The following KIF5C variants were observed in gnomAD, a reference collection of about 807,000 sequenced individuals.
KIF5C encodes the protein kinesin family member 5C.
A neutral mutation model predicts 125.2 loss-of-function variants in KIF5C; 18 were observed. The ratio of observed to expected loss-of-function variants is 0.14; its 90% CI spans 0.10 to 0.21. KIF5C has a LOEUF of 0.21. Among genes scored for constraint, KIF5C ranks in the 10% least tolerant of loss-of-function variants. The pLI is 1.00. For synonymous variants in KIF5C, 405 were observed against 434.0 expected (o/e 0.93, Z 0.83); for missense variants, 780 against 1,183.8 (o/e 0.66, Z 5.01).
chr2:148,977,597 C>T (rs1425713480), intron 12 of KIF5C, among the ~76,000 whole-genome samples: 1 of 152,090 alleles, frequency 6.6e-6, no homozygotes, highest in African/African-American at 2.4e-5. Context: ...GGTATAATTT[C>T]CCTAATATGA....
At chr2:148,998,326 A>T in intron 18 of KIF5C, 74 bp from the exon 19 acceptor site, 1 of 1,546,028 alleles carries the variant, frequency 6.5e-7, no homozygotes. Flanking sequence ...AGGTAGGTCC[A>T]GATCCAGGGC....
intron 1 of KIF5C, among the ~76,000 whole-genome samples, chr2:148,903,493 T>C (rs959105594): frequency 4.6e-5 from 7 of 152,188 alleles, no homozygotes; most frequent in Non-Finnish European, 4.4e-5. Flanking sequence ...AACACACCCT[T>C]ACTGCTGTTT....
chr2:148,949,569 A>T (rs568359825), intron 8 of KIF5C, among the ~76,000 whole-genome samples: 5 of 152,272 alleles, frequency 3.3e-5, no homozygotes, highest in African/African-American at 1.2e-4. Context: ...CCCTGGATGG[A>T]TGGCCCCTGG....
intron 1 of KIF5C, among the ~76,000 whole-genome samples, chr2:148,912,253 G>A (rs1450957038): frequency 6.6e-6 from 1 of 152,194 alleles, no homozygotes; most frequent in Admixed American, 6.5e-5. Flanking sequence ...TTCCACATGT[G>A]TGTGGCCACC....
At chr2:149,020,987 A>G (rs745916324) in intron 25 of KIF5C, among the ~76,000 whole-genome samples, 4 of 152,222 alleles carry the variant, frequency 2.6e-5, no homozygotes, top group Non-Finnish European at 5.9e-5. Flanking sequence ...TTAGTTGTGT[A>G]GCTTTGCCAC....
chr2:148,900,946 T>G (rs1237865389), intron 1 of KIF5C, among the ~76,000 whole-genome samples: 1 of 152,170 alleles, frequency 6.6e-6, no homozygotes, highest in African/African-American at 2.4e-5. Flanking sequence ...TGCTGCTCTC[T>G]GACAGGAACA....
In KIF5C at chr2:148,881,719, C is replaced by CAGG. The variant is rs1558869803; in HGVS notation, c.126+5976_126+5977insAGG. 2.1e-3 allele frequency among the ~76,000 whole-genome samples: 313 copies of CAGG among 151,722 alleles called. 4 individuals are homozygous for CAGG. Among genetic ancestry groups the CAGG allele is most frequent in the African/African-American group, 7.1e-3 (293 of 41,036 alleles). ...TTTGATTTCCCTTTAGTCCTTACCT[C>CAGG]TAAATCATCGTGGTGATTTAGAGGG... On this transcript the variant is annotated intron_variant, in intron 1 of 25. Transcript: ENST00000435030.
rs553370779 is a variant in KIF5C, at chr2:148,958,794, C to T, written c.969-3177C>T. The stretch of plus-strand genomic sequence containing the variant: ...GTCAGGATTTTGAGACCAGCCTGGC[C>T]AACATGGTGAAACCCTGTCTCTACT... On this transcript the variant is annotated intron_variant, in intron 10 of 25. Coordinates refer to ENST00000435030, the MANE Select transcript of KIF5C (RefSeq NM_004522.3). 9.9e-5 allele frequency among the ~76,000 whole-genome samples: 15 copies of T among 151,470 alleles called. No homozygotes were observed. The South Asian group carries it at 3.2e-3, about 32-fold the overall frequency.
At chr2:148,992,123 G>T (rs77637224) in intron 16 of KIF5C, among the ~76,000 whole-genome samples, 1 of 152,154 alleles carries the variant, frequency 6.6e-6, no homozygotes, top group Non-Finnish European at 1.5e-5. Context: ...CTTTATTCTG[G>T]TATGCTTTTA....
intron 1 of KIF5C, among the ~76,000 whole-genome samples, chr2:148,916,377 A>T (rs1164738379): frequency 6.6e-6 from 1 of 152,208 alleles, no homozygotes; most frequent in African/African-American, 2.4e-5. Context: ...TGGCCTTGAA[A>T]CAGGGTAAAT....
Position 148,875,683 on chromosome 2 carries a change from G to T in KIF5C, c.66G>T (p.Glu22Asp). The change falls in exon 1 of 26, where the codon GAG becomes GAT. Residue 22 changes from glutamate (E) to aspartate (D), a missense_variant. Physicochemically the swap from Glu to Asp is conservative, Grantham distance 45 (BLOSUM62 2). This residue lies in a region of KIF5C where 207 missense variants were observed against 441.2 expected (regional missense o/e 0.47). Coordinates refer to ENST00000435030, the MANE Select transcript of KIF5C (RefSeq NM_004522.3). ...GGTTCCGGCCCCTCAACGAAGCGGA[G>T]ATCCTCCGCGGGGACAAATTCATCC... ...MCRFRPLNEAEILRGDKFIPK... is the reference protein window; with the variant it reads ...MCRFRPLNEADILRGDKFIPK... 1 of 1,589,756 alleles carries T rather than the reference G, an allele frequency of 6.3e-7. No individual in the cohort carries two copies. The highest frequency in any genetic ancestry group is 8.6e-7 in the Non-Finnish European group (1 of 1,168,346).
At chr2:148,936,644 G>T (rs994975143) in intron 3 of KIF5C, among the ~76,000 whole-genome samples, 2 of 152,190 alleles carry the variant, frequency 1.3e-5, no homozygotes, top group African/African-American at 4.8e-5. Flanking sequence ...GTAGAAAAGC[G>T]GGGAAAGAAG....
chr2:148,892,897 T>C (rs1180025584), intron 1 of KIF5C, among the ~76,000 whole-genome samples: 1 of 152,250 alleles, frequency 6.6e-6, no homozygotes, highest in African/African-American at 2.4e-5. Context: ...AGATATATCA[T>C]GAAGATAATT....
intron 1 of KIF5C, chr2:148,888,541 T>C (rs890441821): frequency 2.0e-5 from 3 of 151,990 alleles, no homozygotes; most frequent in African/African-American, 7.3e-5. Context: ...GCCTTGCAGG[T>C]GAAGGCCACA....
intron 1 of KIF5C, among the ~76,000 whole-genome samples, chr2:148,893,893 G>A (rs1376010874): frequency 3.9e-5 from 6 of 152,288 alleles, no homozygotes; most frequent in Admixed American, 6.5e-5. Context: ...GCAATTCACC[G>A]TCTTTGGACC....
intron 1 of KIF5C, among the ~76,000 whole-genome samples, chr2:148,918,176 C>T (rs926046117): frequency 2.0e-5 from 3 of 152,042 alleles, no homozygotes; most frequent in African/African-American, 7.2e-5. Context: ...GTATGTGATC[C>T]TGGTAAATTA....
Position 148,990,770 on chromosome 2 carries a change from T to A in KIF5C, c.1717-240T>A, listed in dbSNP as rs567647329. 3.1e-4 allele frequency among the ~76,000 whole-genome samples: 47 copies of A among 152,354 alleles called. No individual in the cohort carries two copies. The South Asian group carries it at 4.1e-3, about 13-fold the overall frequency. ...TGTCATTTCTCTTTCTAAAAATTGATGGTAATGAAAAACCTAGTTAATTGA... is the reference window on the plus strand; with the variant it reads ...TGTCATTTCTCTTTCTAAAAATTGAAGGTAATGAAAAACCTAGTTAATTGA... On this transcript the variant is annotated intron_variant, in intron 15 of 25. Transcript: ENST00000435030.
chr2:149,005,414 C>A lies in KIF5C; in HGVS notation c.2395C>A (p.His799Asn). The A allele has an allele frequency of 6.2e-7, 1 of 1,613,844 alleles. No homozygotes were observed. The highest frequency in any genetic ancestry group is 1.1e-5 in the South Asian group (1 of 90,998). ...CCAGTCTAGAGAATTGCAGACACTG[C>A]ACAACCTTCGGAAACTCTTTGTCCA... is the stretch of plus-strand genomic sequence containing the variant. Reference protein sequence around the residue: ...ETVSRELQTLHNLRKLFVQDL... With the variant: ...ETVSRELQTLNNLRKLFVQDL... The change falls in exon 22 of 26, where the codon CAC (histidine) becomes AAC (asparagine). Residue 799 changes from histidine (H) to asparagine (N), a missense_variant. Coordinates refer to ENST00000435030, the MANE Select transcript of KIF5C (RefSeq NM_004522.3).
intron 1 of KIF5C, among the ~76,000 whole-genome samples, chr2:148,912,853 T>A (rs888345246): frequency 6.6e-6 from 1 of 152,346 alleles, no homozygotes; most frequent in South Asian, 2.1e-4. Flanking sequence ...ACTGAGATGA[T>A]GTACCCTGGG....
Sources: gnomAD v4.1 joint callset for allele counts (sites outside exome capture counted in the v4.1 genomes callset) on GRCh38, gnomAD v4.1.1 for gene constraint, gnomAD v4.1.1 regional missense constraint, MANE v1.5 for transcripts, NCBI Gene and HGNC (gene_info 2026-07-23, HGNC 2026-07-21) for gene names.